Variants in ROBO1 observed in about 807,000 individuals in gnomAD.
ROBO1 encodes the protein roundabout homolog 1.
Under a neutral mutation model 195.9 loss-of-function variants are expected in ROBO1, and 149 were observed. That is an observed-to-expected ratio of 0.76 (90% CI 0.67 to 0.87). ROBO1 has a LOEUF of 0.87. Among genes scored for constraint, ROBO1 ranks in the 40% least tolerant of loss-of-function variants. ROBO1 has a pLI of 0.00. For missense variants in ROBO1, 1,933 were observed against 2,068.3 expected, an observed-to-expected ratio of 0.93 and a Z score of 1.27; for synonymous variants, 816 against 733.2, an observed-to-expected ratio of 1.11 and a Z score of -1.82.
At chr3:78,856,337 C>G (rs1195175992) in intron 4 of ROBO1, among the ~76,000 whole-genome samples, 1 of 148,808 alleles carries the variant, frequency 6.7e-6, no homozygotes, top group African/African-American at 2.5e-5. Flanking sequence ...GGGAAAAGGC[C>G]AAGAACAACC....
At chr3:79,335,355 G>A (rs1023465746) in intron 2 of ROBO1, among the ~76,000 whole-genome samples, 3 of 152,036 alleles carry the variant, frequency 2.0e-5, no homozygotes, top group Non-Finnish European at 2.9e-5. Flanking sequence ...GATATGGCTT[G>A]GCTGTGTCCC....
intron 2 of ROBO1, among the ~76,000 whole-genome samples, chr3:79,445,478 A>AT (rs1343329439): frequency 4.0e-4 from 51 of 128,674 alleles, no homozygotes; most frequent in African/African-American, 1.3e-3. Flanking sequence ...CAATACAGAA[A>AT]TTGTTTTTTT....
At chr3:79,383,840 C>G (rs959950014) in intron 2 of ROBO1, among the ~76,000 whole-genome samples, 1 of 152,020 alleles carries the variant, frequency 6.6e-6, no homozygotes, top group Non-Finnish European at 1.5e-5. Flanking sequence ...TTCCCTTTAA[C>G]TGTGAACTGA....
chr3:78,868,790 T>G (rs757270170), intron 4 of ROBO1, among the ~76,000 whole-genome samples: 78 of 152,214 alleles, frequency 5.1e-4, no homozygotes, highest in Non-Finnish European at 8.2e-4. Context: ...AATTATCCAT[T>G]CTCAGCCTGA....
chr3:79,468,742 C>G (rs917432948), intron 2 of ROBO1, among the ~76,000 whole-genome samples: 5 of 151,890 alleles, frequency 3.3e-5, no homozygotes, highest in African/African-American at 1.2e-4. Context: ...ATGAGAAGAA[C>G]CTGGAATTGG....
intron 2 of ROBO1, among the ~76,000 whole-genome samples, chr3:79,360,739 T>C (rs1425600367): frequency 6.6e-6 from 1 of 152,154 alleles, no homozygotes; most frequent in African/African-American, 2.4e-5. Flanking sequence ...AGAAACTTGA[T>C]TTAGGTCATG....
intron 1 of ROBO1, among the ~76,000 whole-genome samples, chr3:79,613,054 A>G (rs1230776148): frequency 6.6e-6 from 1 of 151,938 alleles, no homozygotes; most frequent in Non-Finnish European, 1.5e-5. Flanking sequence ...TTACTATTAA[A>G]GTATTATAAC....
At chr3:79,150,262 C>A (rs1439267131) in intron 2 of ROBO1, among the ~76,000 whole-genome samples, 1 of 145,200 alleles carries the variant, frequency 6.9e-6, no homozygotes, top group African/African-American at 2.5e-5. Flanking sequence ...TTTTTTTTTT[C>A]AGTTTTTACT....
intron 1 of ROBO1, among the ~76,000 whole-genome samples, chr3:79,601,275 G>A (rs570320136): frequency 4.6e-5 from 7 of 151,892 alleles, no homozygotes; most frequent in Non-Finnish European, 8.8e-5. Context: ...GGTTTCATTC[G>A]GATGGGATTT....
At chr3:79,137,456 G>T (rs908160734) in intron 2 of ROBO1, among the ~76,000 whole-genome samples, 1 of 151,550 alleles carries the variant, frequency 6.6e-6, no homozygotes, top group Non-Finnish European at 1.5e-5. Context: ...TCTGGTTTAG[G>T]TGATTAGATA....
intron 2 of ROBO1, among the ~76,000 whole-genome samples, chr3:79,465,116 T>C (rs1937886933): frequency 6.6e-6 from 1 of 152,224 alleles, no homozygotes; most frequent in Admixed American, 6.5e-5. Flanking sequence ...AACTGCTTTT[T>C]TTCCTGTTGT....
intron 4 of ROBO1, among the ~76,000 whole-genome samples, chr3:78,873,665 T>C (rs372577555): frequency 6.6e-6 from 1 of 152,186 alleles, no homozygotes; most frequent in Non-Finnish European, 1.5e-5. Flanking sequence ...CAACAACTAA[T>C]ACTTACTATC....
chr3:79,467,844 C>T lies in ROBO1; in HGVS notation c.88+121980G>A, dbSNP rs147384791. On this transcript the variant is annotated intron_variant, in intron 2 of 30. Coordinates refer to ENST00000464233, the MANE Select transcript of ROBO1 (RefSeq NM_002941.4). ...GCCGTGGGGCTAGAGCCTGAAAGCA[C>T]TCACCCTGGCTCACCTGCCTGCTCC... is the stretch of plus-strand genomic sequence containing the variant. Among the ~76,000 whole-genome samples, 700 of 152,300 alleles carry T rather than the reference C, an allele frequency of 4.6e-3. 6 individuals carry two copies. Among genetic ancestry groups the T allele is most frequent in the African/African-American group, 0.016 (661 of 41,568 alleles).
intron 2 of ROBO1, among the ~76,000 whole-genome samples, chr3:79,175,109 T>G (rs2081242856): frequency 6.6e-6 from 1 of 152,156 alleles, no homozygotes; most frequent in Non-Finnish European, 1.5e-5. Flanking sequence ...TTTCAGGTAA[T>G]AGTAATTTAC....
At chr3:78,650,893 C>G (rs1209651733) in intron 19 of ROBO1, among the ~76,000 whole-genome samples, 1 of 152,072 alleles carries the variant, frequency 6.6e-6, no homozygotes, top group Non-Finnish European at 1.5e-5. Flanking sequence ...AACCATCTAA[C>G]CTAATCTACA....
chr3:79,104,547 T>C (rs1040782478), intron 3 of ROBO1, among the ~76,000 whole-genome samples: 9 of 151,692 alleles, frequency 5.9e-5, no homozygotes, highest in Non-Finnish European at 1.3e-4. Context: ...TTATTATTAG[T>C]TCTTATTGAG....
intron 2 of ROBO1, among the ~76,000 whole-genome samples, chr3:79,465,528 A>T (rs567476972): frequency 6.6e-6 from 1 of 152,258 alleles, no homozygotes; most frequent in East Asian, 1.9e-4. Context: ...TATTTACTTC[A>T]TTGTTGGATA....
At position 78,617,721 on chromosome 3, in the gene ROBO1, G is replaced by T. The variant is rs754058534; in HGVS notation, c.4196C>A (p.Thr1399Asn). The T allele has an allele frequency of 3.8e-5, 61 of 1,613,850 alleles. No individual in the cohort carries two copies. The highest frequency in any genetic ancestry group is 5.1e-5 in the Non-Finnish European group (60 of 1,179,868). ...GACTGCCTGGGCAAAGTCAGCATCA[G>T]TGAAAAAGGAGCCGTCCGAAGAACT... is the stretch of plus-strand genomic sequence containing the variant. ...SVSSSDGSFF[T>N]DADFAQAVAA... Residue 1399 changes from threonine to asparagine, a missense_variant, in exon 27 of 31, where the codon ACT becomes AAT. Thr to Asn is a moderately conservative substitution (Grantham distance 65). Around this residue, in one of 3 missense-constraint regions of ROBO1, gnomAD observed 1,737 missense variants for 1,882.5 expected, o/e 0.92. Coordinates refer to ENST00000464233, the MANE Select transcript of ROBO1 (RefSeq NM_002941.4).
At chr3:79,258,092 G>T (rs964788934) in intron 2 of ROBO1, among the ~76,000 whole-genome samples, 2 of 152,006 alleles carry the variant, frequency 1.3e-5, no homozygotes, top group African/African-American at 4.8e-5. Flanking sequence ...TAGCTACAAT[G>T]ACTTCAACCA....
Sources: gnomAD v4.1 joint callset for allele counts (sites outside exome capture counted in the v4.1 genomes callset) on GRCh38, gnomAD v4.1.1 for gene constraint, gnomAD v4.1.1 regional missense constraint, MANE v1.5 for transcripts, NCBI Gene and HGNC (gene_info 2026-07-23, HGNC 2026-07-21) for gene names.